BRAF: variants seen among roughly 807,000 people sequenced by gnomAD.
BRAF encodes B-Raf proto-oncogene, serine/threonine kinase.
Under a neutral mutation model 104.6 loss-of-function variants are expected in BRAF, and 16 were observed. That is an observed-to-expected ratio of 0.15 (90% CI 0.10 to 0.23). The LOEUF is 0.23. BRAF is among the 10% of genes least tolerant of loss of function. BRAF has a pLI of 1.00. For synonymous variants in BRAF, 310 were observed against 341.6 expected (o/e 0.91, Z 1.02); for missense variants, 541 against 937.3 (o/e 0.58, Z 5.52).
At position 140,785,738 on chromosome 7, in the gene BRAF, A is replaced by C. The variant is rs963361206; in HGVS notation, c.1248T>G (p.Ser416=). 5.8e-5 allele frequency: 23 copies of C among 399,090 alleles called. No homozygotes were observed. Among genetic ancestry groups the C allele is most frequent in the Non-Finnish European group, 8.8e-5 (20 of 226,096 alleles). 24.7% of individuals were successfully genotyped at this position (399,090 alleles called of 1,614,324 possible). Residue 416 remains serine, a synonymous_variant, in exon 10 of 20, where the codon TCT becomes TCG. Transcript: ENST00000644969. The part of the protein sequence containing the change: ...QSRTPSPLLH[S]VPSEIVFDFE... ...AATCAAACACTATTTCACTGGGGACAGAATGTAGGAGGGGACTGGGAGTCC... is the reference window on the plus strand; with the variant it reads ...AATCAAACACTATTTCACTGGGGACCGAATGTAGGAGGGGACTGGGAGTCC...
chr7:140,902,382 T>C (rs1434079401), intron 1 of BRAF, among the ~76,000 whole-genome samples: 1 of 152,212 alleles, frequency 6.6e-6, no homozygotes, highest in East Asian at 1.9e-4. Context: ...CCTAACCCCT[T>C]CTTGGGCCTC....
intron 12 of BRAF, among the ~76,000 whole-genome samples, chr7:140,780,151 T>C (rs1464467648): frequency 6.6e-6 from 1 of 152,134 alleles, no homozygotes; most frequent in Non-Finnish European, 1.5e-5. Context: ...AAAAGTGACA[T>C]TATATGTTAT....
At chr7:140,833,012 T>C (rs1441982620) in intron 3 of BRAF, among the ~76,000 whole-genome samples, 1 of 151,976 alleles carries the variant, frequency 6.6e-6, no homozygotes, top group Non-Finnish European at 1.5e-5. Context: ...TAGCTGGGAC[T>C]ACAGGCACCC....
chr7:140,905,613 T>C (rs1181540178), intron 1 of BRAF, among the ~76,000 whole-genome samples: 1 of 152,216 alleles, frequency 6.6e-6, no homozygotes, highest in Non-Finnish European at 1.5e-5. Context: ...ATTTAATCCA[T>C]TTTGTATTTA....
intron 14 of BRAF, among the ~76,000 whole-genome samples, chr7:140,755,818 T>C (rs1221912720): frequency 6.6e-6 from 1 of 151,824 alleles, no homozygotes; most frequent in Non-Finnish European, 1.5e-5. Context: ...TAAATGATGA[T>C]GGTGTTGGTT....
intron 19 of BRAF, chr7:140,733,790 A>T (rs1358161400): frequency 6.0e-6 from 1 of 167,124 alleles, no homozygotes; most frequent in Non-Finnish European, 1.2e-5. Flanking sequence ...GAATTCTGTG[A>T]AGATTTTTTG....
rs1008171522 is a variant in BRAF, at chr7:140,723,349, T to G, written c.*3145A>C. ...TGAATTATTTCTTTATATACTGCTC[T>G]TTCTTCTCCAACACCAACATAAATA... is the stretch of plus-strand genomic sequence containing the variant. On this transcript the variant is annotated 3_prime_UTR_variant, in exon 20 of 20. Transcript: ENST00000644969. 1 of 1,055,600 alleles carries G rather than the reference T, an allele frequency of 9.5e-7. No individual in the cohort carries two copies. Among genetic ancestry groups the G allele is most frequent in the Non-Finnish European group, 1.1e-6 (1 of 873,398 alleles). 65.4% of individuals were successfully genotyped at this position (1,055,600 alleles called of 1,614,324 possible). A position where few individuals can be genotyped will look rare whatever the true frequency, so the allele number is the denominator to read the frequency against.
rs1401624615 is a variant in BRAF at position 140,721,478 on chromosome 7, AAAC to A, written c.*5013_*5015del. The stretch of plus-strand genomic sequence containing the variant: ...ACAAAAGTGAAAATAGGTTATTTGA[AAAC>A]AACAAAACAGAGCTTACTGTCTAGT... On this transcript the variant is annotated 3_prime_UTR_variant, in exon 20 of 20. Transcript: ENST00000644969. 3.9e-6 allele frequency: 5 copies of A among 1,267,408 alleles called. No homozygotes were observed. Among genetic ancestry groups the A allele is most frequent in the East Asian group, 3.1e-5 (1 of 32,554 alleles). The allele number at this position is 1,267,408 out of a possible 1,614,324, so 78.5% of individuals were successfully genotyped here.
chr7:140,786,836 T>A (rs1463072142), intron 9 of BRAF, among the ~76,000 whole-genome samples: 1 of 152,198 alleles, frequency 6.6e-6, no homozygotes. Context: ...CAAAGGAAAT[T>A]TATCAACAAT....
intron 3 of BRAF, among the ~76,000 whole-genome samples, chr7:140,811,908 C>A (rs1271618792): frequency 6.6e-6 from 1 of 152,044 alleles, no homozygotes; most frequent in Non-Finnish European, 1.5e-5. Context: ...CTGGTTGTAA[C>A]CTTTCAGAAA....
At chr7:140,717,316 T>G (rs1795151645), downstream of BRAF, among the ~76,000 whole-genome samples, 1 of 152,156 alleles carries the variant, frequency 6.6e-6, no homozygotes. Context: ...GGTCTTGCTC[T>G]GCCGCCCAGG....
chr7:140,784,361 T>C (rs1179746271), intron 10 of BRAF, among the ~76,000 whole-genome samples: 1 of 152,206 alleles, frequency 6.6e-6, no homozygotes, highest in African/African-American at 2.4e-5. Flanking sequence ...ATCCATTTTC[T>C]ACCTTCCATT....
intron 1 of BRAF, among the ~76,000 whole-genome samples, chr7:140,914,777 T>C (rs10240283): frequency 0.3 from 45,508 of 151,672 alleles, 10,919 homozygotes; most frequent in African/African-American, 0.67. Context: ...CGGTGGCTCA[T>C]GCCTGTAATC....
chr7:140,729,632 A>T (rs898624220), intron 19 of BRAF, among the ~76,000 whole-genome samples: 1 of 152,050 alleles, frequency 6.6e-6, no homozygotes, highest in African/African-American at 2.4e-5. Context: ...AAAAAAAAAA[A>T]TTACGTGTGG....
chr7:140,806,702 A>T (rs1412321681), intron 5 of BRAF, among the ~76,000 whole-genome samples: 1 of 152,204 alleles, frequency 6.6e-6, no homozygotes, highest in Non-Finnish European at 1.5e-5. Flanking sequence ...TAAAAATGTT[A>T]AGATTTATCC....
intron 3 of BRAF, among the ~76,000 whole-genome samples, chr7:140,821,441 G>A (rs1805475836): frequency 6.6e-6 from 1 of 151,502 alleles, no homozygotes; most frequent in Admixed American, 6.6e-5. Flanking sequence ...GGGATTACAG[G>A]TGTGCACCAC....
downstream of BRAF, among the ~76,000 whole-genome samples, chr7:140,716,383 C>G (rs1795130523): frequency 6.6e-6 from 1 of 152,176 alleles, no homozygotes; most frequent in Non-Finnish European, 1.5e-5. Flanking sequence ...AGGTAAAGCT[C>G]TTAGAACTAG....
At chr7:140,749,568 G>T in intron 16 of BRAF, 150 bp from the exon 16 acceptor site, 1 of 848,850 alleles carries the variant, frequency 1.2e-6, no homozygotes, top group Non-Finnish European at 1.8e-6. Context: ...AAATAAAACT[G>T]ATTAAGCTGA....
intron 8 of BRAF, among the ~76,000 whole-genome samples, chr7:140,790,761 C>A (rs1295135735): frequency 1.3e-5 from 2 of 152,218 alleles, no homozygotes; most frequent in South Asian, 4.1e-4. Flanking sequence ...TTTCTCTTCA[C>A]TGCCTTCTTC....
Sources: gnomAD v4.1 joint callset for allele counts (sites outside exome capture counted in the v4.1 genomes callset) on GRCh38, gnomAD v4.1.1 for gene constraint, MANE v1.5 for transcripts, NCBI Gene and HGNC (gene_info 2026-07-23, HGNC 2026-07-21) for gene names.